FGF12: variants seen among roughly 807,000 people sequenced by gnomAD.
The protein encoded by FGF12 is fibroblast growth factor 12.
In FGF12, 14 loss-of-function variants were observed where a neutral mutation model predicts 23.6. That is an observed-to-expected ratio of 0.59 (90% CI 0.39 to 0.93). The LOEUF (loss-of-function observed/expected upper bound fraction) is 0.93, where lower values mean the gene tolerates loss of function less well. Ranked by LOEUF, FGF12 falls within the 40% of genes least tolerant of loss-of-function variation. The pLI is 0.00. For synonymous variants in FGF12, 62 were observed against 77.3 expected, an observed-to-expected ratio of 0.80 and a Z score of 1.04; for missense variants, 175 against 217.8, an observed-to-expected ratio of 0.80 and a Z score of 1.24.
chr3:192,332,075 A>T (rs1370772663), intron 4 of FGF12, among the ~76,000 whole-genome samples: 1 of 152,154 alleles, frequency 6.6e-6, no homozygotes, highest in Non-Finnish European at 1.5e-5. Flanking sequence ...TCTATGCATA[A>T]AATTATTCAA....
chr3:192,523,264 T>C (rs745785189), intron 2 of FGF12, among the ~76,000 whole-genome samples: 3 of 152,150 alleles, frequency 2.0e-5, no homozygotes, highest in Non-Finnish European at 2.9e-5. Flanking sequence ...AACAGTAGAA[T>C]GTTGGTACCA....
intron 2 of FGF12, among the ~76,000 whole-genome samples, chr3:192,579,873 C>A (rs1296529176): frequency 2.0e-5 from 3 of 152,140 alleles, no homozygotes; most frequent in Admixed American, 2.0e-4. Context: ...CCTGGCCCCA[C>A]ATGTTATTCT....
At chr3:192,355,413 A>G (rs1463244908) in intron 3 of FGF12, among the ~76,000 whole-genome samples, 2 of 152,246 alleles carry the variant, frequency 1.3e-5, no homozygotes. Context: ...AAGTGCATAG[A>G]CTATATCAGG....
chr3:192,324,940 C>G (rs1240523641), intron 4 of FGF12, among the ~76,000 whole-genome samples: 1 of 151,948 alleles, frequency 6.6e-6, no homozygotes, highest in Non-Finnish European at 1.5e-5. Context: ...AAGGTTAGCC[C>G]TGGAGCTAAA....
At chr3:192,452,332 A>G (rs908379411) in intron 2 of FGF12, among the ~76,000 whole-genome samples, 2 of 152,194 alleles carry the variant, frequency 1.3e-5, no homozygotes, top group Non-Finnish European at 2.9e-5. Flanking sequence ...TGATAAACCA[A>G]ACTTCTTTTC....
chr3:192,714,069 T>G, intron 2 of FGF12, among the ~76,000 whole-genome samples: 1 of 152,116 alleles, frequency 6.6e-6, no homozygotes, highest in East Asian at 1.9e-4. Flanking sequence ...TACATTTTAT[T>G]GAATGCTTAT....
chr3:192,272,924 T>C (rs1404067373), intron 4 of FGF12, among the ~76,000 whole-genome samples: 1 of 152,178 alleles, frequency 6.6e-6, no homozygotes, highest in Admixed American at 6.5e-5. Context: ...AGAAAAAATG[T>C]CATCTATCTC....
chr3:192,381,583 G>A (rs1719813589), intron 2 of FGF12, among the ~76,000 whole-genome samples: 1 of 152,130 alleles, frequency 6.6e-6, no homozygotes, highest in Non-Finnish European at 1.5e-5. Context: ...TGGCTGCTAT[G>A]GAGGATAAAC....
rs890857621 is a variant in FGF12 at position 192,251,672 on chromosome 3, C to A, written c.229-81016G>T. Reference sequence around the variant, plus strand: ...CTACATTGCAATAATAATGAATGAACGAAGATGTACAAAACAGCATGAAAA... The same window carrying A: ...CTACATTGCAATAATAATGAATGAAAGAAGATGTACAAAACAGCATGAAAA... On this transcript the variant is annotated intron_variant, in intron 4 of 5. Transcript: ENST00000445105. Among the ~76,000 whole-genome samples the A allele has an allele frequency of 6.2e-4, 93 of 150,766 alleles. 1 individual carries two copies. The highest frequency in any genetic ancestry group is 2.2e-3 in the African/African-American group (91 of 40,884).
intron 2 of FGF12, among the ~76,000 whole-genome samples, chr3:192,538,683 A>G (rs1725293591): frequency 6.6e-6 from 1 of 152,122 alleles, no homozygotes; most frequent in African/African-American, 2.4e-5. Flanking sequence ...ATAGAATGTC[A>G]TTGGTATTTT....
intron 2 of FGF12, among the ~76,000 whole-genome samples, chr3:192,683,841 A>G (rs1717632573): frequency 6.6e-6 from 1 of 152,186 alleles, no homozygotes; most frequent in Non-Finnish European, 1.5e-5. Context: ...CTGAGCCAAA[A>G]CAGACTTAGG....
intron 2 of FGF12, among the ~76,000 whole-genome samples, chr3:192,723,814 T>C (rs1719113900): frequency 1.4e-5 from 2 of 145,954 alleles, no homozygotes; most frequent in South Asian, 4.4e-4. Context: ...CAAAGAAAAA[T>C]GTGATATAGG....
At chr3:192,622,246 G>C (rs529229065) in intron 2 of FGF12, among the ~76,000 whole-genome samples, 2 of 152,172 alleles carry the variant, frequency 1.3e-5, no homozygotes, top group Non-Finnish European at 2.9e-5. Context: ...GAAAGAAAGA[G>C]ACATGCGGGA....
At chr3:192,471,226 A>G (rs1489943524) in intron 2 of FGF12, among the ~76,000 whole-genome samples, 3 of 152,182 alleles carry the variant, frequency 2.0e-5, no homozygotes, top group Non-Finnish European at 4.4e-5. Flanking sequence ...ATTCAGATGC[A>G]GTTTTCAGCC....
At chr3:192,247,877 A>G (rs1330795695) in intron 4 of FGF12, among the ~76,000 whole-genome samples, 1 of 152,232 alleles carries the variant, frequency 6.6e-6, no homozygotes, top group African/African-American at 2.4e-5. Context: ...TGTTCCTGAC[A>G]TATGGTTAAG....
At chr3:192,496,397 G>A (rs1723958362) in intron 2 of FGF12, among the ~76,000 whole-genome samples, 1 of 151,948 alleles carries the variant, frequency 6.6e-6, no homozygotes, top group Non-Finnish European at 1.5e-5. Flanking sequence ...ACTGGTCCAA[G>A]CCTGACATTT....
intron 4 of FGF12, among the ~76,000 whole-genome samples, chr3:192,329,784 A>C (rs533787282): frequency 2.0e-5 from 3 of 152,188 alleles, no homozygotes; most frequent in Non-Finnish European, 4.4e-5. Context: ...TAAACAGCAA[A>C]ATTTTTAAAA....
intron 2 of FGF12, among the ~76,000 whole-genome samples, chr3:192,666,717 A>AT (rs1198258885): frequency 8.5e-5 from 13 of 152,168 alleles, no homozygotes; most frequent in African/African-American, 3.1e-4. Flanking sequence ...TGCATATTCA[A>AT]TGCAAATGTC....
At chr3:192,369,803 C>T (rs1719143358) in intron 2 of FGF12, among the ~76,000 whole-genome samples, 2 of 152,208 alleles carry the variant, frequency 1.3e-5, no homozygotes, top group Non-Finnish European at 2.9e-5. Context: ...CAAGGAGACA[C>T]ATACACAACT....
Sources: gnomAD v4.1 joint callset for allele counts (sites outside exome capture counted in the v4.1 genomes callset) on GRCh38, gnomAD v4.1.1 for gene constraint, MANE v1.5 for transcripts, NCBI Gene and HGNC (gene_info 2026-07-23, HGNC 2026-07-21) for gene names.